The following CAPN8 variants were observed in gnomAD, a reference collection of about 807,000 sequenced individuals.
CAPN8 encodes calpain 8.
A neutral mutation model predicts 80.9 loss-of-function variants in CAPN8; 87 were observed. The observed-to-expected ratio is 1.07, with a 90% CI of 0.90 to 1.28. The LOEUF (loss-of-function observed/expected upper bound fraction) is 1.28. Among genes scored for constraint, CAPN8 ranks in the 50% most tolerant of loss-of-function variants. CAPN8 has a pLI of 0.00. For missense variants in CAPN8, 757 were observed against 702.0 expected, an observed-to-expected ratio of 1.08 and a Z score of -0.89; for synonymous variants, 299 against 273.8, an observed-to-expected ratio of 1.09 and a Z score of -0.91.
Position 223,541,862 on chromosome 1 carries a change from G to T in CAPN8, c.2089-3C>A. 7 of 1,538,082 alleles carry T rather than the reference G, an allele frequency of 4.6e-6. No individual in the cohort carries two copies. The highest frequency in any genetic ancestry group is 6.1e-6 in the Non-Finnish European group (7 of 1,143,652). ...CAGACCAACACGCAGCACAGCCACT[G>T]CAAAGGAAAGGGACAAGATTGAGTC... On this transcript the variant is annotated splice_region_variant and splice_polypyrimidine_tract_variant and intron_variant, in intron 20 of 20. Coordinates refer to ENST00000366872, the MANE Select transcript of CAPN8 (RefSeq NM_001143962.2).
At chr1:223,661,119 T>C (rs1044018984) in intron 1 of CAPN8, among the ~76,000 whole-genome samples, 1 of 150,068 alleles carries the variant, frequency 6.7e-6, no homozygotes, top group African/African-American at 2.5e-5. Flanking sequence ...TGAGCCAAGA[T>C]TGAACCACTG....
chr1:223,658,376 A>T (rs1226728435), intron 1 of CAPN8, among the ~76,000 whole-genome samples: 3 of 152,192 alleles, frequency 2.0e-5, no homozygotes, highest in African/African-American at 7.2e-5. Flanking sequence ...TTGTAGGTAG[A>T]TGGAATGTCC....
chr1:223,627,453 C>G (rs1657623853), intron 4 of CAPN8, among the ~76,000 whole-genome samples: 1 of 152,190 alleles, frequency 6.6e-6, no homozygotes, highest in Non-Finnish European at 1.5e-5. Flanking sequence ...GCTGGGGGCA[C>G]AGATGGGGAG....
At chr1:223,609,424 G>A in intron 11 of CAPN8, 60 bp from the exon 12 acceptor site, 1 of 398,500 alleles carries the variant, frequency 2.5e-6, no homozygotes, top group Non-Finnish European at 4.4e-6. Context: ...GAGAGCCCAA[G>A]AGTTCAGCTT....
At chr1:223,624,066 T>C (rs1657487593) in intron 6 of CAPN8, among the ~76,000 whole-genome samples, 1 of 151,778 alleles carries the variant, frequency 6.6e-6, no homozygotes, top group Non-Finnish European at 1.5e-5. Context: ...AACATCTGTT[T>C]CATTTAACTC....
intron 6 of CAPN8, among the ~76,000 whole-genome samples, chr1:223,624,547 T>G (rs940291253): frequency 6.6e-6 from 1 of 151,216 alleles, no homozygotes; most frequent in Middle Eastern, 3.2e-3. Context: ...TCTACAAAAA[T>G]TTTTAAAAAA....
chr1:223,657,301 A>C (rs544067584), intron 1 of CAPN8, among the ~76,000 whole-genome samples: 228 of 152,298 alleles, frequency 1.5e-3, no homozygotes, highest in Middle Eastern at 6.8e-3. Flanking sequence ...TTTTTTGGCA[A>C]ATAAAAGGCA....
In CAPN8 at chr1:223,619,120, G is replaced by T. The variant is rs572415316; in HGVS notation, c.1135+173C>A. Among the ~76,000 whole-genome samples, 71 of 152,308 alleles carry T rather than the reference G, an allele frequency of 4.7e-4. 1 individual carries two copies. In the South Asian group the frequency reaches 0.015, roughly 31 times the overall value. On this transcript the variant is annotated intron_variant, in intron 9 of 20. Transcript: ENST00000366872. ...GAGGTGAGAGGATCACTTGAGCCCGGGAGGCGGAGGTTGTGATGAGCAGAG... is the reference window on the plus strand; with the variant it reads ...GAGGTGAGAGGATCACTTGAGCCCGTGAGGCGGAGGTTGTGATGAGCAGAG...
chr1:223,542,279 A>G (rs1411963302), intron 20 of CAPN8, among the ~76,000 whole-genome samples: 3 of 151,894 alleles, frequency 2.0e-5, no homozygotes, highest in Non-Finnish European at 2.9e-5. Flanking sequence ...GTATATATAT[A>G]TATTCCTATA....
intron 2 of CAPN8, among the ~76,000 whole-genome samples, chr1:223,637,924 C>T (rs1404401399): frequency 2.0e-5 from 3 of 152,110 alleles, no homozygotes; most frequent in African/African-American, 7.2e-5. Context: ...TGAGTTTGGA[C>T]CTCACAGTTT....
At chr1:223,545,849 G>A (rs1364939609) in intron 16 of CAPN8, among the ~76,000 whole-genome samples, 2 of 125,582 alleles carry the variant, frequency 1.6e-5, no homozygotes, top group Non-Finnish European at 3.2e-5. Flanking sequence ...TTTTTGAGAC[G>A]GAGTCTCTCT....
At chr1:223,632,901 G>A (rs1657812918) in intron 2 of CAPN8, among the ~76,000 whole-genome samples, 1 of 152,186 alleles carries the variant, frequency 6.6e-6, no homozygotes, top group Admixed American at 6.5e-5. Context: ...GGGCAGACTT[G>A]GCTGGCAGAG....
intron 2 of CAPN8, among the ~76,000 whole-genome samples, chr1:223,633,846 T>G (rs567507356): frequency 6.6e-6 from 1 of 152,202 alleles, no homozygotes; most frequent in Admixed American, 6.5e-5. Context: ...TAATGGAATT[T>G]CTCAAACACC....
intron 5 of CAPN8, among the ~76,000 whole-genome samples, chr1:223,626,366 G>A (rs917230406): frequency 2.7e-4 from 41 of 152,100 alleles, no homozygotes; most frequent in African/African-American, 8.9e-4. Flanking sequence ...GAGGAAAAAG[G>A]GAGGATCTTC....
chr1:223,622,026 G>A (rs183806062), intron 7 of CAPN8, among the ~76,000 whole-genome samples: 247 of 152,098 alleles, frequency 1.6e-3, no homozygotes, highest in African/African-American at 5.3e-3. Flanking sequence ...GGCTGGTCTC[G>A]AACTCCTGAG....
intron 2 of CAPN8, among the ~76,000 whole-genome samples, chr1:223,632,373 G>A (rs1013969969): frequency 3.3e-5 from 5 of 152,112 alleles, no homozygotes; most frequent in African/African-American, 1.2e-4. Context: ...CATAGGTTTT[G>A]TTTTGTTTTG....
At chr1:223,630,415 C>A (rs554579971) in intron 2 of CAPN8, among the ~76,000 whole-genome samples, 79 of 152,242 alleles carry the variant, frequency 5.2e-4, no homozygotes, top group Non-Finnish European at 8.2e-4. Context: ...TGGCTCACTG[C>A]AGCCCCAACC....
chr1:223,558,276 C>A (rs1469325933), intron 12 of CAPN8, 109 bp from the exon 13 acceptor site: 1 of 396,194 alleles, frequency 2.5e-6, no homozygotes, highest in Non-Finnish European at 4.4e-6. Context: ...GGGCTCGCAC[C>A]CCAGACCTCA....
chr1:223,628,044 T>C lies in CAPN8; in HGVS notation c.525A>G (p.Glu175=), dbSNP rs1657646779. ...CTTTCTCCAGCAGGGCACTCCAGAA[T>C]TCATTGCCTTGTTCCGAGTGTAGGA... ...LLFLHSEQGN[E]FWSALLEKAY... is the part of the protein sequence containing the mutation. The change falls in exon 4 of 21, where the codon GAA becomes GAG. Residue 175 remains glutamate (E), a synonymous_variant. Transcript: ENST00000366872. 1 of 1,550,440 alleles carries C rather than the reference T, an allele frequency of 6.4e-7. No individual in the cohort carries two copies. Among genetic ancestry groups the C allele is most frequent in the Admixed American group, 2.0e-5 (1 of 50,862 alleles).
Sources: gnomAD v4.1 joint callset for allele counts (sites outside exome capture counted in the v4.1 genomes callset) on GRCh38, gnomAD v4.1.1 for gene constraint, MANE v1.5 for transcripts, NCBI Gene and HGNC (gene_info 2026-07-23, HGNC 2026-07-21) for gene names.